Variants in CCDC192 observed in about 807,000 individuals in gnomAD.
CCDC192 encodes the protein coiled-coil domain-containing protein 192.
chr5:127,842,588 T>C (rs926950368), intron 5 of CCDC192, among the ~76,000 whole-genome samples: 2 of 152,240 alleles, frequency 1.3e-5, no homozygotes, highest in African/African-American at 4.8e-5. Context: ...AAAAGCGATG[T>C]AGCCAGTCCT....
intron 5 of CCDC192, among the ~76,000 whole-genome samples, chr5:127,833,394 T>C (rs1323636670): frequency 1.3e-5 from 2 of 152,186 alleles, no homozygotes; most frequent in African/African-American, 4.8e-5. Flanking sequence ...AAATAAATAC[T>C]GATTTGAACT....
At chr5:127,752,804 A>G (rs1036246155) in intron 2 of CCDC192, among the ~76,000 whole-genome samples, 3 of 152,196 alleles carry the variant, frequency 2.0e-5, no homozygotes, top group African/African-American at 7.2e-5. Context: ...GGTGCGAGAT[A>G]TAATCTCGTG....
chr5:127,915,941 A>G (rs575734726), intron 6 of CCDC192, among the ~76,000 whole-genome samples: 1 of 152,334 alleles, frequency 6.6e-6, no homozygotes, highest in South Asian at 2.1e-4. Flanking sequence ...CAATAAAGTT[A>G]GCTGCATTGA....
chr5:127,794,086 G>A (rs1757030176), intron 3 of CCDC192, among the ~76,000 whole-genome samples: 1 of 152,204 alleles, frequency 6.6e-6, no homozygotes, highest in African/African-American at 2.4e-5. Flanking sequence ...GACAGAGGGT[G>A]CCTCTCCAAA....
intron 6 of CCDC192, among the ~76,000 whole-genome samples, chr5:127,932,359 C>G (rs1754060267): frequency 6.6e-6 from 1 of 151,920 alleles, no homozygotes; most frequent in Non-Finnish European, 1.5e-5. Flanking sequence ...CATGCGCCAC[C>G]ACGCCCGGCT....
At chr5:127,834,461 A>G (rs901043935) in intron 5 of CCDC192, among the ~76,000 whole-genome samples, 1 of 152,198 alleles carries the variant, frequency 6.6e-6, no homozygotes, top group South Asian at 2.1e-4. Context: ...TCTAATTTAT[A>G]GGGCCCCAAC....
intron 6 of CCDC192, among the ~76,000 whole-genome samples, chr5:127,927,045 G>T (rs1753881526): frequency 6.6e-6 from 1 of 152,072 alleles, no homozygotes; most frequent in African/African-American, 2.4e-5. Flanking sequence ...TGGTGGCATT[G>T]GTAACCTCAG....
At chr5:127,818,567 G>A (rs1749137445) in intron 5 of CCDC192, among the ~76,000 whole-genome samples, 2 of 152,190 alleles carry the variant, frequency 1.3e-5, no homozygotes, top group Admixed American at 1.3e-4. Flanking sequence ...AGCACATTAT[G>A]ACAAGTGGAA....
intron 5 of CCDC192, among the ~76,000 whole-genome samples, chr5:127,846,087 G>A (rs1305961686): frequency 1.1e-4 from 16 of 152,004 alleles, no homozygotes; most frequent in African/African-American, 3.1e-4. Flanking sequence ...TCAGGAGTTC[G>A]AGACCAGCCT....
At chr5:127,790,971 C>A (rs901833326) in intron 3 of CCDC192, among the ~76,000 whole-genome samples, 1 of 152,156 alleles carries the variant, frequency 6.6e-6, no homozygotes, top group Non-Finnish European at 1.5e-5. Flanking sequence ...TGCATCCATT[C>A]TTTAAATGAC....
At chr5:127,803,476 A>G (rs539254521) in intron 5 of CCDC192, among the ~76,000 whole-genome samples, 4 of 152,222 alleles carry the variant, frequency 2.6e-5, no homozygotes, top group Non-Finnish European at 5.9e-5. Context: ...AATGTTTATA[A>G]TTACTTAAAG....
At chr5:127,824,525 A>G (rs1264771543) in intron 5 of CCDC192, among the ~76,000 whole-genome samples, 2 of 152,232 alleles carry the variant, frequency 1.3e-5, no homozygotes, top group African/African-American at 2.4e-5. Flanking sequence ...AGTATTTCCA[A>G]AACTCCCCAA....
chr5:127,919,809 GTGTCCCTC>G, intron 6 of CCDC192, among the ~76,000 whole-genome samples: 1 of 151,992 alleles, frequency 6.6e-6, no homozygotes, highest in Non-Finnish European at 1.5e-5. Flanking sequence ...ATCTCTCTCT[GTGTCCCTC>G]TGTCCCTCTG....
At chr5:127,770,163 T>G (rs1161401576) in intron 3 of CCDC192, among the ~76,000 whole-genome samples, 1 of 152,180 alleles carries the variant, frequency 6.6e-6, no homozygotes, top group Non-Finnish European at 1.5e-5. Flanking sequence ...TAGCTCAGTG[T>G]AGCCTTGAAT....
rs1750789847 is a variant in CCDC192 at position 127,703,450 on chromosome 5, G to C, written c.5G>C (p.Gly2Ala). 2.5e-6 allele frequency: 1 copy of C among 398,998 alleles called. No homozygotes were observed. Among genetic ancestry groups the C allele is most frequent in the Non-Finnish European group, 4.4e-6 (1 of 226,052 alleles). The allele number at this position is 398,998 out of a possible 1,614,324, so 24.7% of individuals were successfully genotyped here. Residue 2 changes from glycine to alanine, a missense_variant, in exon 1 of 7, where the codon GGA becomes GCA. Gly to Ala is a moderately conservative substitution (Grantham distance 60, BLOSUM62 0). Transcript: ENST00000514853. Reference protein sequence around the residue: MGQCYSKKSVVP... With the variant: MAQCYSKKSVVP... ...TCCCAGTGGGTCTGGCTTGAGATGG[G>C]ACAATGCTATAGCAAGAAATCTGTG...
chr5:127,810,065 T>G (rs1197649080), intron 5 of CCDC192, among the ~76,000 whole-genome samples: 4 of 152,198 alleles, frequency 2.6e-5, no homozygotes, highest in Non-Finnish European at 4.4e-5. Flanking sequence ...CAGGAATAAG[T>G]GAAGGAGAAT....
At chr5:127,709,439 C>A (rs1751196255) in intron 2 of CCDC192, among the ~76,000 whole-genome samples, 2 of 152,176 alleles carry the variant, frequency 1.3e-5, no homozygotes, top group Admixed American at 1.3e-4. Context: ...GACAGGGACA[C>A]AGATCCAAAC....
chr5:127,815,576 A>T (rs1255093903), intron 5 of CCDC192, among the ~76,000 whole-genome samples: 1 of 152,132 alleles, frequency 6.6e-6, no homozygotes, highest in Non-Finnish European at 1.5e-5. Flanking sequence ...TTCTTTAAAG[A>T]GAGATGTATG....
chr5:127,935,548 G>A (rs914373353), intron 6 of CCDC192: 3 of 152,112 alleles, frequency 2.0e-5, no homozygotes, highest in Non-Finnish European at 2.9e-5. Context: ...TAACATCTTG[G>A]ACTCGTGAAG....
Sources: allele counts gnomAD v4.1 joint callset (sites outside exome capture counted in the v4.1 genomes callset), GRCh38; gene constraint gnomAD v4.1.1; transcripts MANE v1.5; gene names NCBI Gene and HGNC (gene_info 2026-07-23, HGNC 2026-07-21).